Variants in CA10 observed in about 807,000 individuals in gnomAD.
CA10 encodes carbonic anhydrase-related protein 10.
In CA10, 14 loss-of-function variants were observed where a neutral mutation model predicts 44.2. The observed-to-expected ratio is 0.32, with a 90% CI of 0.21 to 0.50. The LOEUF is 0.50. CA10 is among the 20% of genes least tolerant of loss of function. CA10 has a pLI of 0.99. For missense variants in CA10, 350 were observed against 409.7 expected (o/e 0.85, Z 1.26); for synonymous variants, 159 against 141.6 (o/e 1.12, Z -0.87).
intron 2 of CA10, among the ~76,000 whole-genome samples, chr17:52,006,418 A>G (rs1053147402): frequency 5.9e-5 from 9 of 151,908 alleles, no homozygotes; most frequent in Middle Eastern, 3.2e-3. Flanking sequence ...TTCTACTCAG[A>G]TTTAGCAAAT....
intron 3 of CA10, among the ~76,000 whole-genome samples, chr17:51,829,488 G>A (rs549268758): frequency 8.5e-5 from 13 of 152,278 alleles, no homozygotes; most frequent in Admixed American, 2.6e-4. Context: ...GAGGAGCTAC[G>A]TTGAAAAGCT....
At chr17:52,032,488 G>A (rs1332369660) in intron 2 of CA10, among the ~76,000 whole-genome samples, 2 of 152,214 alleles carry the variant, frequency 1.3e-5, no homozygotes, top group East Asian at 1.9e-4. Context: ...AAATTAGAAA[G>A]CAGCCTCTTT....
At chr17:51,638,790 A>G (rs1912944909) in intron 6 of CA10, among the ~76,000 whole-genome samples, 1 of 152,180 alleles carries the variant, frequency 6.6e-6, no homozygotes, top group South Asian at 2.1e-4. Flanking sequence ...GAAGGAATGA[A>G]TCGAGGAGTT....
In CA10 at chr17:51,947,152, A is replaced by C. The variant is rs183248; in HGVS notation, c.137-16020T>G. Among the ~76,000 whole-genome samples, 19 of 140,908 alleles carry C rather than the reference A, an allele frequency of 1.3e-4. No homozygotes were observed. The East Asian group carries it at 3.9e-3, about 29-fold the overall frequency. The allele number at this position is 140,908 out of a possible 152,430, so 92.4% of individuals were successfully genotyped here. On this transcript the variant is annotated intron_variant, in intron 2 of 8. Transcript: ENST00000451037. ...TTAAGTATTTCTGTATGTAGAATCC[A>C]CCTTGCTCTTTAGAGGCCCTCAGGC...
At chr17:51,703,105 T>C (rs1915653004) in intron 4 of CA10, among the ~76,000 whole-genome samples, 1 of 152,206 alleles carries the variant, frequency 6.6e-6, no homozygotes, top group Non-Finnish European at 1.5e-5. Flanking sequence ...CTAGGTCGTA[T>C]TGTGGAGAAA....
At chr17:51,989,958 C>A (rs1332340899) in intron 2 of CA10, among the ~76,000 whole-genome samples, 1 of 152,076 alleles carries the variant, frequency 6.6e-6, no homozygotes, top group African/African-American at 2.4e-5. Context: ...AAAACAGAAG[C>A]ACTAATAGAT....
chr17:51,637,673 A>G (rs763248111), intron 6 of CA10, among the ~76,000 whole-genome samples: 77 of 152,368 alleles, frequency 5.1e-4, no homozygotes, highest in Non-Finnish European at 8.8e-4. Flanking sequence ...CATTGACTCA[A>G]TAAAATGAGT....
chr17:52,036,306 T>A (rs1475906844), intron 2 of CA10, among the ~76,000 whole-genome samples: 1 of 152,198 alleles, frequency 6.6e-6, no homozygotes, highest in Non-Finnish European at 1.5e-5. Flanking sequence ...AAATAACATA[T>A]AAAGTTACAA....
intron 3 of CA10, among the ~76,000 whole-genome samples, chr17:51,924,112 G>A (rs573929322): frequency 6.6e-6 from 1 of 152,258 alleles, no homozygotes; most frequent in African/African-American, 2.4e-5. Context: ...GCCAAATAAA[G>A]AGAGATTTCA....
intron 3 of CA10, among the ~76,000 whole-genome samples, chr17:51,809,404 C>T (rs78778336): frequency 7.9e-4 from 121 of 152,218 alleles, no homozygotes; most frequent in African/African-American, 2.9e-3. Context: ...AAAGTATAGC[C>T]CTTTATCTCA....
intron 3 of CA10, among the ~76,000 whole-genome samples, chr17:51,786,228 G>GTC (rs1906275618): frequency 6.6e-6 from 1 of 151,644 alleles, no homozygotes; most frequent in African/African-American, 2.4e-5. Context: ...GTGTGTGTGT[G>GTC]TGTGTGTGTG....
intron 1 of CA10, among the ~76,000 whole-genome samples, chr17:52,120,653 C>G (rs1567739805): frequency 6.6e-6 from 1 of 152,152 alleles, no homozygotes; most frequent in East Asian, 1.9e-4. Flanking sequence ...GGAACCTGCA[C>G]AGGGTCTTGC....
At chr17:52,043,883 C>T (rs1422678004) in intron 2 of CA10, among the ~76,000 whole-genome samples, 1 of 152,056 alleles carries the variant, frequency 6.6e-6, no homozygotes, top group Non-Finnish European at 1.5e-5. Flanking sequence ...TTAAACCATC[C>T]TTACTTTCCA....
intron 2 of CA10, among the ~76,000 whole-genome samples, chr17:51,993,085 TG>T (rs1483792397): frequency 2.0e-5 from 3 of 152,068 alleles, no homozygotes; most frequent in African/African-American, 4.8e-5. Flanking sequence ...AAGAAGTGCT[TG>T]GGATAATTTG....
rs543793453 is a variant in CA10, at chr17:52,026,158, T to C, written c.136+46161A>G. Among the ~76,000 whole-genome samples, 20 of 152,118 alleles carry C rather than the reference T, an allele frequency of 1.3e-4. No individual in the cohort carries two copies. In the South Asian group the frequency reaches 2.7e-3, roughly 21 times the overall value. ...CTTGTCCCAGTGAAGACAGAGGAAA[T>C]TGTCTAAGAAAGCCAAAGGGTCTTC... On this transcript the variant is annotated intron_variant, in intron 2 of 8. Transcript: ENST00000451037.
At chr17:51,704,511 G>A (rs1244735788) in intron 4 of CA10, among the ~76,000 whole-genome samples, 1 of 152,166 alleles carries the variant, frequency 6.6e-6, no homozygotes. Context: ...ATCTCTTCAT[G>A]GTCAGATATG....
chr17:52,056,321 G>T (rs971332612), intron 2 of CA10, among the ~76,000 whole-genome samples: 3 of 151,980 alleles, frequency 2.0e-5, no homozygotes, highest in Admixed American at 6.6e-5. Flanking sequence ...ATTTGGAATT[G>T]GAATGCAAAA....
At chr17:51,948,215 G>T (rs1318721699) in intron 2 of CA10, among the ~76,000 whole-genome samples, 1 of 152,080 alleles carries the variant, frequency 6.6e-6, no homozygotes, top group African/African-American at 2.4e-5. Context: ...CGCCTGTATT[G>T]CTGGGGCAGG....
intron 3 of CA10, among the ~76,000 whole-genome samples, chr17:51,926,619 G>C (rs888958631): frequency 2.0e-5 from 3 of 152,150 alleles, no homozygotes; most frequent in Non-Finnish European, 4.4e-5. Context: ...GCGCTTTGCA[G>C]CTTCCAGAGG....
Sources: allele counts gnomAD v4.1 joint callset (sites outside exome capture counted in the v4.1 genomes callset), GRCh38; gene constraint gnomAD v4.1.1; transcripts MANE v1.5; gene names NCBI Gene and HGNC (gene_info 2026-07-23, HGNC 2026-07-21).